The following PDK1 variants were observed in gnomAD, a reference collection of about 807,000 sequenced individuals.
PDK1 encodes the protein pyruvate dehydrogenase kinase 1.
Under a neutral mutation model 54.2 loss-of-function variants are expected in PDK1, and 39 were observed. The observed-to-expected ratio is 0.72, with a 90% CI of 0.56 to 0.94. PDK1 has a LOEUF of 0.94. PDK1 is among the 40% of genes least tolerant of loss of function. The pLI is 0.00. For synonymous variants in PDK1, 221 were observed against 207.1 expected (o/e 1.07, Z -0.58); for missense variants, 552 against 566.0 (o/e 0.98, Z 0.25).
chr2:172,709,944 C>T, the PDK1 span, among the ~76,000 whole-genome samples: 30 of 151,660 alleles, frequency 2.0e-4, no homozygotes, highest in Non-Finnish European at 3.4e-4. Context: ...CCAACAAAGA[C>T]GAAATTGCAG....
chr2:172,610,466 T>C (rs1017447920), downstream of PDK1, among the ~76,000 whole-genome samples: 15 of 152,144 alleles, frequency 9.9e-5, no homozygotes, highest in Admixed American at 5.2e-4. Context: ...CCGCATCTTT[T>C]CTTTTGTTCT....
chr2:172,560,866 A>G (rs1407286254), intron 2 of PDK1, among the ~76,000 whole-genome samples: 1 of 152,234 alleles, frequency 6.6e-6, no homozygotes, highest in Non-Finnish European at 1.5e-5. Context: ...TATGCTTCAA[A>G]CAAATGAGTT....
the PDK1 span, among the ~76,000 whole-genome samples, chr2:172,659,227 C>T: frequency 6.6e-6 from 1 of 152,198 alleles, no homozygotes; most frequent in East Asian, 1.9e-4. Context: ...GACAAAATAT[C>T]ATGTTGAAAT....
the PDK1 span, among the ~76,000 whole-genome samples, chr2:172,680,868 G>C: frequency 2.0e-4 from 30 of 152,216 alleles, no homozygotes; most frequent in Non-Finnish European, 3.8e-4. Flanking sequence ...CAGAGGGCCT[G>C]GGCCAATTAG....
the PDK1 span, among the ~76,000 whole-genome samples, chr2:172,651,066 A>T: frequency 2.2e-4 from 34 of 152,354 alleles, no homozygotes; most frequent in Admixed American, 2.2e-3. Context: ...CTGACCACAT[A>T]GTTGGAAGTA....
chr2:172,674,804 T>A, the PDK1 span: 1 of 152,290 alleles, frequency 6.6e-6, no homozygotes, highest in Non-Finnish European at 1.5e-5. Flanking sequence ...GCCCTCGGGC[T>A]GCAGGCTGCC....
the PDK1 span, among the ~76,000 whole-genome samples, chr2:172,657,395 G>A: frequency 5.4e-5 from 4 of 73,772 alleles, no homozygotes; most frequent in South Asian, 1.5e-3. Flanking sequence ...TGACTTCCAA[G>A]TTCTTTTCAT....
the PDK1 span, among the ~76,000 whole-genome samples, chr2:172,687,942 T>C: frequency 6.6e-6 from 1 of 152,086 alleles, no homozygotes; most frequent in Non-Finnish European, 1.5e-5. Flanking sequence ...CCTTACCAAG[T>C]CCCCCTGCAC....
chr2:172,622,365 A>G, the PDK1 span, among the ~76,000 whole-genome samples: 2 of 140,942 alleles, frequency 1.4e-5, no homozygotes, highest in African/African-American at 5.3e-5. Flanking sequence ...ATATGTTTAT[A>G]TCATATATTA....
Position 172,586,369 on chromosome 2 carries a change from C to T in PDK1, c.1037C>T (p.Thr346Ile). The part of the protein sequence containing the change: ...YSTAPRPRVE[T>I]SRAVPLAGFG... ...ACTGCACCAAGACCTCGTGTTGAGACCTCCCGCGCAGTGCCTCTGGTATGT... is the reference window on the plus strand; with the variant it reads ...ACTGCACCAAGACCTCGTGTTGAGATCTCCCGCGCAGTGCCTCTGGTATGT... The change falls in exon 9 of 11, where the codon ACC becomes ATC. Residue 346 changes from threonine (T) to isoleucine (I), a missense_variant. Transcript: ENST00000282077. 6.2e-7 allele frequency: 1 copy of T among 1,604,700 alleles called. No individual in the cohort carries two copies. The highest frequency in any genetic ancestry group is 8.5e-7 in the Non-Finnish European group (1 of 1,171,666).
At chr2:172,695,227 A>G in the PDK1 span, among the ~76,000 whole-genome samples, 12 of 152,190 alleles carry the variant, frequency 7.9e-5, no homozygotes, top group Admixed American at 7.9e-4. Flanking sequence ...GTTTTATTAT[A>G]TGTTATTTTG....
the PDK1 span, among the ~76,000 whole-genome samples, chr2:172,662,493 CGT>C: frequency 4.2e-5 from 6 of 143,614 alleles, no homozygotes; most frequent in African/African-American, 7.7e-5. Flanking sequence ...TTTTTAAAAT[CGT>C]GTGTGTGTGT....
the PDK1 span, among the ~76,000 whole-genome samples, chr2:172,706,776 G>C: frequency 1.3e-5 from 2 of 152,286 alleles, no homozygotes; most frequent in South Asian, 4.1e-4. Context: ...TGTGCCTCTG[G>C]CACTTATTTG....
upstream of PDK1, chr2:172,555,924 C>G (rs910028153): frequency 1.3e-5 from 5 of 373,096 alleles, no homozygotes; most frequent in Non-Finnish European, 2.4e-5. Context: ...GGGACTCCGG[C>G]GAGGGGGCGG....
At chr2:172,579,036 A>T (rs1306221980) in intron 8 of PDK1, among the ~76,000 whole-genome samples, 1 of 152,164 alleles carries the variant, frequency 6.6e-6, no homozygotes, top group Non-Finnish European at 1.5e-5. Flanking sequence ...GTCTTTCCTG[A>T]GCATGACCCT....
At chr2:172,714,290 A>G in the PDK1 span, among the ~76,000 whole-genome samples, 4 of 152,180 alleles carry the variant, frequency 2.6e-5, no homozygotes, top group Non-Finnish European at 5.9e-5. Flanking sequence ...TCTAAATACC[A>G]GAACAGTTTT....
At chr2:172,627,206 C>T in the PDK1 span, among the ~76,000 whole-genome samples, 1 of 152,224 alleles carries the variant, frequency 6.6e-6, no homozygotes, top group African/African-American at 2.4e-5. Flanking sequence ...TGTGGATTGT[C>T]ACAAGCTCTG....
the PDK1 span, among the ~76,000 whole-genome samples, chr2:172,614,185 A>G: frequency 3.6e-5 from 5 of 139,472 alleles, no homozygotes; most frequent in Middle Eastern, 3.2e-3. Context: ...CCCCCCCCCA[A>G]CCCCCATCCC....
chr2:172,672,612 TTTTC>T, the PDK1 span, among the ~76,000 whole-genome samples: 1 of 150,076 alleles, frequency 6.7e-6, no homozygotes, highest in Non-Finnish European at 1.5e-5. Flanking sequence ...TCAGTATCAT[TTTTC>T]TTTCTTTTTT....
Sources: allele counts gnomAD v4.1 joint callset (sites outside exome capture counted in the v4.1 genomes callset), GRCh38; gene constraint gnomAD v4.1.1; transcripts MANE v1.5; gene names NCBI Gene and HGNC (gene_info 2026-07-23, HGNC 2026-07-21).